Variants in CCSER2 observed in about 807,000 individuals in gnomAD.
CCSER2 encodes the protein coiled-coil serine rich protein 2.
Under a neutral mutation model 92.3 loss-of-function variants are expected in CCSER2, and 46 were observed. The observed-to-expected ratio is 0.50, with a 90% CI of 0.39 to 0.64. The LOEUF is 0.64. Ranked by LOEUF, CCSER2 falls within the 30% of genes least tolerant of loss-of-function variation. CCSER2 has a pLI of 0.00. For missense variants in CCSER2, 1,244 were observed against 1,238.9 expected, an observed-to-expected ratio of 1.00 and a Z score of -0.06; for synonymous variants, 433 against 431.4, an observed-to-expected ratio of 1.00 and a Z score of -0.04.
intron 3 of CCSER2, among the ~76,000 whole-genome samples, chr10:84,385,616 G>A (rs1053266094): frequency 6.6e-5 from 10 of 152,130 alleles, no homozygotes; most frequent in Non-Finnish European, 1.3e-4. Flanking sequence ...ATGGATTAAA[G>A]ACTTAAATGT....
At chr10:84,435,129 T>A (rs565130326) in intron 5 of CCSER2, among the ~76,000 whole-genome samples, 2 of 152,328 alleles carry the variant, frequency 1.3e-5, no homozygotes, top group South Asian at 2.1e-4. Context: ...AAATGCAACC[T>A]AAGGCATATA....
chr10:84,504,484 T>TTGCC (rs1175562793), intron 9 of CCSER2, among the ~76,000 whole-genome samples: 2 of 152,190 alleles, frequency 1.3e-5, no homozygotes, highest in African/African-American at 2.4e-5. Context: ...CCTTTGCCAT[T>TTGCC]TGCCTGCTTA....
intron 1 of CCSER2, among the ~76,000 whole-genome samples, chr10:84,339,552 C>T (rs533992012): frequency 4.0e-5 from 6 of 150,920 alleles, no homozygotes; most frequent in East Asian, 2.0e-4. Flanking sequence ...CTTGGCTCAC[C>T]GCAACCTCTG....
At chr10:84,378,570 G>A (rs1370128029) in intron 3 of CCSER2, among the ~76,000 whole-genome samples, 1 of 151,890 alleles carries the variant, frequency 6.6e-6, no homozygotes, top group African/African-American at 2.4e-5. Context: ...GAGTAGCTGG[G>A]ATTACAGGCG....
At chr10:84,401,363 T>C (rs1424785242) in intron 3 of CCSER2, among the ~76,000 whole-genome samples, 1 of 152,158 alleles carries the variant, frequency 6.6e-6, no homozygotes, top group Non-Finnish European at 1.5e-5. Flanking sequence ...AGGAAAAAGA[T>C]ACCGCTACAA....
At chr10:84,501,891 G>A (rs1262134688) in intron 9 of CCSER2, among the ~76,000 whole-genome samples, 2 of 84,936 alleles carry the variant, frequency 2.4e-5, no homozygotes, top group African/African-American at 6.6e-5. Context: ...CTTTTCCTGA[G>A]TAGGTTCTCA....
chr10:84,496,152 A>G (rs1282417737), intron 9 of CCSER2, among the ~76,000 whole-genome samples: 1 of 152,174 alleles, frequency 6.6e-6, no homozygotes, highest in African/African-American at 2.4e-5. Context: ...ACATGTAGAA[A>G]CTTTATGTCC....
chr10:84,396,317 C>T (rs1242867677), intron 3 of CCSER2, among the ~76,000 whole-genome samples: 1 of 150,390 alleles, frequency 6.6e-6, no homozygotes, highest in Non-Finnish European at 1.5e-5. Context: ...ATATTATATA[C>T]ACACAGTTTC....
chr10:84,412,947 A>G (rs1293162608), intron 3 of CCSER2, among the ~76,000 whole-genome samples: 1 of 152,132 alleles, frequency 6.6e-6, no homozygotes, highest in Non-Finnish European at 1.5e-5. Context: ...TGTTTATAGT[A>G]TTCTCTGATG....
At chr10:84,353,086 C>A (rs998526803) in intron 1 of CCSER2, among the ~76,000 whole-genome samples, 5 of 152,206 alleles carry the variant, frequency 3.3e-5, no homozygotes, top group Non-Finnish European at 7.3e-5. Context: ...GCCACCGCGC[C>A]CAGCCTAAGA....
At chr10:84,343,053 A>G (rs1844290640) in intron 1 of CCSER2, among the ~76,000 whole-genome samples, 1 of 152,090 alleles carries the variant, frequency 6.6e-6, no homozygotes, top group Non-Finnish European at 1.5e-5. Flanking sequence ...TTGTATTTTT[A>G]GTAGAGTCCG....
At chr10:84,489,162 G>C (rs1480451620) in intron 9 of CCSER2, among the ~76,000 whole-genome samples, 1 of 152,142 alleles carries the variant, frequency 6.6e-6, no homozygotes, top group Non-Finnish European at 1.5e-5. Context: ...CTTCAACTCT[G>C]TGGTCAATTT....
rs1849512445 is a variant in CCSER2 at position 84,514,120 on chromosome 10, G to A, written c.2997G>A (p.Glu999=). 6.5e-7 allele frequency: 1 copy of A among 1,536,076 alleles called. No individual in the cohort carries two copies. Among genetic ancestry groups the A allele is most frequent in the Non-Finnish European group, 8.7e-7 (1 of 1,146,924 alleles). Residue 999 remains glutamate, a synonymous_variant, in exon 10 of 10, where the codon GAG becomes GAA. Transcript: ENST00000372088. ...KQKQTNSPQL[E]PQSFQAKTSI... is the part of the protein sequence containing the mutation. ...AACAAACAAACAGCCCCCAACTAGA[G>A]CCTCAAAGCTTCCAGGCCAAGACAA... is the stretch of plus-strand genomic sequence containing the variant.
chr10:84,437,748 T>C (rs1261914913), intron 5 of CCSER2, among the ~76,000 whole-genome samples: 1 of 141,068 alleles, frequency 7.1e-6, no homozygotes, highest in East Asian at 2.4e-4. Flanking sequence ...AGTCTCACTC[T>C]GTTGCCCAGC....
chr10:84,339,367 AT>A (rs909117418), intron 1 of CCSER2, among the ~76,000 whole-genome samples: 31 of 151,932 alleles, frequency 2.0e-4, no homozygotes, highest in Admixed American at 7.2e-4. Context: ...TAAAGATCAG[AT>A]TTTTTATTAG....
At chr10:84,431,410 T>G (rs528394425) in intron 5 of CCSER2, among the ~76,000 whole-genome samples, 1 of 151,882 alleles carries the variant, frequency 6.6e-6, no homozygotes, top group Non-Finnish European at 1.5e-5. Flanking sequence ...AAAATACATG[T>G]AAGGTTCCTC....
At chr10:84,363,607 A>C (rs1383940010) in intron 1 of CCSER2, among the ~76,000 whole-genome samples, 7 of 152,228 alleles carry the variant, frequency 4.6e-5, no homozygotes, top group Admixed American at 4.6e-4. Context: ...AAAAAAAGAC[A>C]GTGAGTGGGT....
intron 6 of CCSER2, chr10:84,456,018 GCTT>G (rs878883963): frequency 1.4e-5 from 7 of 514,428 alleles, no homozygotes; most frequent in South Asian, 8.7e-5. Flanking sequence ...CAACACCTTT[GCTT>G]CTTCTAGATG....
intron 6 of CCSER2, among the ~76,000 whole-genome samples, chr10:84,441,733 AATGTTTTTTT>A (rs1171842446): frequency 1.3e-3 from 153 of 115,980 alleles, no homozygotes; most frequent in Middle Eastern, 4.8e-3. Context: ...AGACTGGGAA[AATGTTTTTTT>A]TTTTTTTTTT....
Sources: gnomAD v4.1 joint callset for allele counts (sites outside exome capture counted in the v4.1 genomes callset) on GRCh38, gnomAD v4.1.1 for gene constraint, MANE v1.5 for transcripts, NCBI Gene and HGNC (gene_info 2026-07-23, HGNC 2026-07-21) for gene names.